PRKACB: variants seen among roughly 807,000 people sequenced by gnomAD.
The protein encoded by PRKACB is cAMP-dependent protein kinase catalytic subunit beta.
In PRKACB, 16 loss-of-function variants were observed where a neutral mutation model predicts 51.4. That is an observed-to-expected ratio of 0.31 (90% CI 0.21 to 0.47). PRKACB has a LOEUF of 0.47. Among genes scored for constraint, PRKACB ranks in the 20% least tolerant of loss-of-function variants. The probability of loss-of-function intolerance (pLI) is 1.00; values close to 1 mark genes in which losing one functional copy is unlikely to be tolerated. For synonymous variants in PRKACB, 147 were observed against 154.4 expected (o/e 0.95, Z 0.35); for missense variants, 309 against 464.5 (o/e 0.67, Z 3.08).
At chr1:84,192,590 C>T (rs183328569) in intron 5 of PRKACB, among the ~76,000 whole-genome samples, 4 of 152,124 alleles carry the variant, frequency 2.6e-5, no homozygotes, top group Admixed American at 2.6e-4. Flanking sequence ...GAATTGTAAA[C>T]GTGGAGGGAA....
At chr1:84,232,127 C>T (rs902516874) in intron 9 of PRKACB, among the ~76,000 whole-genome samples, 209 of 152,180 alleles carry the variant, frequency 1.4e-3, no homozygotes, top group African/African-American at 4.9e-3. Context: ...TGTGTGTTTG[C>T]TCTCGTTGGT....
intron 9 of PRKACB, among the ~76,000 whole-genome samples, chr1:84,220,737 C>T (rs549764277): frequency 4.6e-5 from 7 of 152,108 alleles, no homozygotes; most frequent in South Asian, 2.1e-4. Flanking sequence ...AGTGATGTAT[C>T]GTGTTAATTG....
At chr1:84,125,402 T>A (rs1355813169) in intron 1 of PRKACB, among the ~76,000 whole-genome samples, 2 of 152,198 alleles carry the variant, frequency 1.3e-5, no homozygotes. Context: ...AAGAGCAAAT[T>A]TTTTTAGATC....
At chr1:84,128,546 A>G (rs973306567) in intron 1 of PRKACB, among the ~76,000 whole-genome samples, 2 of 152,214 alleles carry the variant, frequency 1.3e-5, no homozygotes, top group African/African-American at 4.8e-5. Context: ...TTGAAAAAAT[A>G]TGATATTGAA....
chr1:84,132,018 T>C (rs538728473), intron 1 of PRKACB, among the ~76,000 whole-genome samples: 1 of 152,286 alleles, frequency 6.6e-6, no homozygotes, highest in South Asian at 2.1e-4. Context: ...AATATATTAT[T>C]AGACCCCTAT....
intron 1 of PRKACB, among the ~76,000 whole-genome samples, chr1:84,153,514 G>A (rs910895269): frequency 6.6e-5 from 10 of 152,074 alleles, no homozygotes; most frequent in Admixed American, 6.6e-4. Context: ...TATTCATCCT[G>A]TCTAAGTGAA....
intron 9 of PRKACB, among the ~76,000 whole-genome samples, chr1:84,224,110 T>C (rs1359375718): frequency 6.6e-6 from 1 of 152,210 alleles, no homozygotes. Context: ...GTGTCTGCGA[T>C]TTCCTCAGTG....
intron 1 of PRKACB, among the ~76,000 whole-genome samples, chr1:84,128,214 G>A (rs1185234902): frequency 2.0e-5 from 3 of 150,486 alleles, no homozygotes; most frequent in Admixed American, 6.6e-5. Flanking sequence ...CCACCATGTT[G>A]GTTAGAATTA....
At chr1:84,201,547 A>T (rs539494927) in intron 7 of PRKACB, among the ~76,000 whole-genome samples, 1 of 152,266 alleles carries the variant, frequency 6.6e-6, no homozygotes, top group African/African-American at 2.4e-5. Context: ...TATTCCTGTT[A>T]TACCACTCCT....
intron 5 of PRKACB, among the ~76,000 whole-genome samples, chr1:84,193,485 G>A (rs545401624): frequency 3.1e-4 from 47 of 152,184 alleles, no homozygotes; most frequent in Non-Finnish European, 6.5e-4. Context: ...GGTCTTTGGT[G>A]TGACTGAAGA....
intron 5 of PRKACB, among the ~76,000 whole-genome samples, chr1:84,185,789 G>A (rs937538910): frequency 7.2e-5 from 11 of 152,098 alleles, no homozygotes; most frequent in East Asian, 1.9e-4. Flanking sequence ...AGCTTCTACC[G>A]TTCATTAATA....
At position 84,221,377 on chromosome 1, in the gene PRKACB, A is replaced by AT. The variant is rs200854976; in HGVS notation, c.1071+7067dup. ...AGCTAGCAGTTTATCAATTTTGGTT[A>AT]TTTTTTTAAAAAAAAAACCTTTCAT... On this transcript the variant is annotated intron_variant, in intron 9 of 9. Coordinates refer to ENST00000370685, the MANE Select transcript of PRKACB (RefSeq NM_182948.4). Among the ~76,000 whole-genome samples the AT allele has an allele frequency of 2.4e-3, 351 of 148,268 alleles. 3 individuals are homozygous for AT. Among genetic ancestry groups the AT allele is most frequent in the Middle Eastern group, 3.5e-3 (1 of 286 alleles).
In PRKACB at chr1:84,156,754, G is replaced by T. The variant is rs560414433; in HGVS notation, c.187+12206G>T. Among the ~76,000 whole-genome samples, 4 of 152,200 alleles carry T rather than the reference G, an allele frequency of 2.6e-5. No homozygotes were observed. In the South Asian group the frequency reaches 8.3e-4, roughly 32 times the overall value. On this transcript the variant is annotated intron_variant, in intron 1 of 9. Transcript: ENST00000370685. ...AAAATACCGTGATTTTAAATCAAGAGATTCATATAAATATCTGGACTTTCA... is the reference window on the plus strand; with the variant it reads ...AAAATACCGTGATTTTAAATCAAGATATTCATATAAATATCTGGACTTTCA...
chr1:84,154,813 G>A (rs1346050505), intron 1 of PRKACB, among the ~76,000 whole-genome samples: 1 of 152,086 alleles, frequency 6.6e-6, no homozygotes, highest in Non-Finnish European at 1.5e-5. Context: ...TAGATGCAGA[G>A]AAAGCATTTG....
chr1:84,176,863 T>C (rs1388870509), intron 1 of PRKACB, among the ~76,000 whole-genome samples: 1 of 152,012 alleles, frequency 6.6e-6, no homozygotes, highest in Non-Finnish European at 1.5e-5. Context: ...TTTTAAAGAA[T>C]TTCTTGCATA....
At chr1:84,095,149 C>A (rs555441780) in intron 1 of PRKACB, among the ~76,000 whole-genome samples, 5 of 151,830 alleles carry the variant, frequency 3.3e-5, no homozygotes, top group African/African-American at 1.2e-4. Context: ...CAGAATGTAT[C>A]CCTGGCATTA....
At chr1:84,140,039 G>A (rs907014055), upstream of PRKACB, among the ~76,000 whole-genome samples, 7 of 152,072 alleles carry the variant, frequency 4.6e-5, no homozygotes, top group East Asian at 9.7e-4. Context: ...CAGCCTGGGC[G>A]ACAGACTGAG....
At chr1:84,114,531 A>G (rs1650479210) in intron 1 of PRKACB, among the ~76,000 whole-genome samples, 1 of 152,046 alleles carries the variant, frequency 6.6e-6, no homozygotes, top group African/African-American at 2.4e-5. Context: ...ATTTATAGTG[A>G]TGAAGTTAGG....
intron 4 of PRKACB, 60 bp downstream of exon 4, chr1:84,184,195 C>G: frequency 7.1e-7 from 1 of 1,413,994 alleles, no homozygotes; most frequent in Non-Finnish European, 9.6e-7. Flanking sequence ...TAAGATGAAA[C>G]TATAAATGGA....
Sources: gnomAD v4.1 joint callset for allele counts (sites outside exome capture counted in the v4.1 genomes callset) on GRCh38, gnomAD v4.1.1 for gene constraint, MANE v1.5 for transcripts, NCBI Gene and HGNC (gene_info 2026-07-23, HGNC 2026-07-21) for gene names.